The following PCDHA3 variants were observed in gnomAD, a reference collection of about 807,000 sequenced individuals.
PCDHA3 encodes the protein protocadherin alpha-3.
In PCDHA3, 41 loss-of-function variants were observed where a neutral mutation model predicts 62.2. The ratio of observed to expected loss-of-function variants is 0.66; its 90% CI spans 0.51 to 0.86. The LOEUF (loss-of-function observed/expected upper bound fraction) is 0.86, where lower values mean the gene tolerates loss of function less well. PCDHA3 is among the 40% of genes least tolerant of loss of function. The probability of loss-of-function intolerance (pLI) is 0.00; values close to 1 mark genes in which losing one functional copy is unlikely to be tolerated. For missense variants in PCDHA3, 1,304 were observed against 1,241.2 expected (o/e 1.05, Z -0.76); for synonymous variants, 640 against 555.4 (o/e 1.15, Z -2.14).
chr5:140,822,949 G>T (rs2150120687), intron 1 of PCDHA3: 8 of 1,614,230 alleles, frequency 5.0e-6, no homozygotes, highest in Non-Finnish European at 6.8e-6. Flanking sequence ...AATGCCCCAC[G>T]TTCCCTTCAA....
intron 1 of PCDHA3, chr5:140,869,782 C>T (rs782296742): frequency 1.6e-5 from 25 of 1,612,752 alleles, no homozygotes; most frequent in East Asian, 2.2e-5. Context: ...TGGCACCGTT[C>T]GGCTGTTAGT....
chr5:140,877,146 GA>G (rs781877505), intron 1 of PCDHA3: 8 of 1,613,700 alleles, frequency 5.0e-6, no homozygotes, highest in Admixed American at 3.3e-5. Context: ...TGCTGGACGA[GA>G]ACGACAACGC....
At chr5:140,938,174 G>A (rs1394846002) in intron 1 of PCDHA3, among the ~76,000 whole-genome samples, 3 of 152,200 alleles carry the variant, frequency 2.0e-5, no homozygotes, top group Admixed American at 6.5e-5. Context: ...TGGAGCTCCT[G>A]GGCTCAAGCA....
At chr5:140,979,922 A>T (rs1317860679) in intron 2 of PCDHA3, among the ~76,000 whole-genome samples, 1 of 152,276 alleles carries the variant, frequency 6.6e-6, no homozygotes, top group Non-Finnish European at 1.5e-5. Flanking sequence ...GAGAAAGCCT[A>T]CAAAGTATGT....
chr5:140,803,759 T>C (rs1037330523), intron 1 of PCDHA3, 168 bp downstream of exon 1: 4 of 1,198,196 alleles, frequency 3.3e-6, no homozygotes, highest in Non-Finnish European at 4.6e-6. Flanking sequence ...TTGTTGCTAA[T>C]TTTTGAACCA....
chr5:140,815,832 G>A (rs1406365317), intron 1 of PCDHA3: 1 of 152,124 alleles, frequency 6.6e-6, no homozygotes, highest in Non-Finnish European at 1.5e-5. Flanking sequence ...CATTTTTGAA[G>A]ACAAACTTTG....
intron 1 of PCDHA3, chr5:140,841,944 A>G (rs1554138658): frequency 6.2e-7 from 1 of 1,613,794 alleles, no homozygotes; most frequent in African/African-American, 1.3e-5. Context: ...GCTCCTGCGC[A>G]CCACTTATTC....
chr5:140,899,672 T>C (rs1280165974), intron 1 of PCDHA3, among the ~76,000 whole-genome samples: 1 of 152,218 alleles, frequency 6.6e-6, no homozygotes, highest in Non-Finnish European at 1.5e-5. Flanking sequence ...CCGGCTTTGG[T>C]ATCAGGATGA....
chr5:140,923,305 G>A (rs552769255), intron 1 of PCDHA3, among the ~76,000 whole-genome samples: 3 of 152,304 alleles, frequency 2.0e-5, no homozygotes, highest in South Asian at 2.1e-4. Context: ...GGGCGTGGGG[G>A]CGCTTGGCCT....
chr5:140,887,972 A>C (rs1169769147), intron 1 of PCDHA3, among the ~76,000 whole-genome samples: 1 of 152,114 alleles, frequency 6.6e-6, no homozygotes, highest in Non-Finnish European at 1.5e-5. Context: ...TCTCTTTTAA[A>C]ATTTATTTTA....
intron 1 of PCDHA3, among the ~76,000 whole-genome samples, chr5:140,959,250 G>A (rs2095476529): frequency 6.6e-6 from 1 of 152,030 alleles, no homozygotes. Context: ...GATAGTGCAT[G>A]ACTGTAGTCC....
At chr5:140,835,547 C>G (rs2150237870) in intron 1 of PCDHA3, 13 of 1,613,960 alleles carry the variant, frequency 8.1e-6, no homozygotes, top group South Asian at 2.2e-5. Context: ...TTACCTGCTC[C>G]CTGACGCCCC....
chr5:140,807,612 T>C (rs782576297), intron 1 of PCDHA3: 2 of 1,614,130 alleles, frequency 1.2e-6, no homozygotes, highest in Admixed American at 1.7e-5. Context: ...AACCTGTCCA[T>C]CGCGGAATCC....
chr5:140,962,046 G>A (rs2095653396), intron 1 of PCDHA3, among the ~76,000 whole-genome samples: 1 of 151,964 alleles, frequency 6.6e-6, no homozygotes, highest in African/African-American at 2.4e-5. Flanking sequence ...ACCATGCCTG[G>A]CTAATTTTTT....
intron 1 of PCDHA3, chr5:140,856,941 C>G: frequency 6.3e-7 from 1 of 1,592,588 alleles, no homozygotes; most frequent in Non-Finnish European, 8.6e-7. Context: ...AACGAAAGGA[C>G]GGGAGAAATA....
chr5:140,858,790 A>G, intron 1 of PCDHA3: 1 of 388,116 alleles, frequency 2.6e-6, no homozygotes, highest in Non-Finnish European at 4.7e-6. Context: ...ATGTTATTTC[A>G]TTTCCAATCT....
chr5:140,937,937 G>T (rs1584936873), intron 1 of PCDHA3, among the ~76,000 whole-genome samples: 1 of 151,274 alleles, frequency 6.6e-6, no homozygotes. Flanking sequence ...AGTTTAATTT[G>T]ATAATTGGCT....
At chr5:140,940,873 A>G (rs541083185) in intron 1 of PCDHA3, among the ~76,000 whole-genome samples, 10 of 152,352 alleles carry the variant, frequency 6.6e-5, no homozygotes, top group African/African-American at 2.4e-4. Context: ...CAGTGAGTGA[A>G]TACTACTGCT....
In PCDHA3 at chr5:140,809,060, G is replaced by A. The variant is rs782422711; in HGVS notation, c.2394+5469G>A. Reference sequence around the variant, plus strand: ...TGGCGCGCGCATCCCGTTCCGCGTGGGGCTGTACACTGGCGAGATCAGCAC... The same window carrying A: ...TGGCGCGCGCATCCCGTTCCGCGTGAGGCTGTACACTGGCGAGATCAGCAC... On this transcript the variant is annotated intron_variant, in intron 1 of 3. Coordinates refer to ENST00000522353, the MANE Select transcript of PCDHA3 (RefSeq NM_018906.3). The A allele has an allele frequency of 2.5e-6, 4 of 1,613,928 alleles. No homozygotes were observed. In the Admixed American group the frequency reaches 5.0e-5, roughly 20 times the overall value.
Sources: gnomAD v4.1 joint callset for allele counts (sites outside exome capture counted in the v4.1 genomes callset) on GRCh38, gnomAD v4.1.1 for gene constraint, MANE v1.5 for transcripts, NCBI Gene and HGNC (gene_info 2026-07-23, HGNC 2026-07-21) for gene names.